ZDHHC14: variants seen among roughly 807,000 people sequenced by gnomAD.
ZDHHC14 encodes palmitoyltransferase ZDHHC14.
ZDHHC14 carries 16 observed loss-of-function variants against 47.7 expected under a neutral mutation model. The ratio of observed to expected loss-of-function variants is 0.34; its 90% CI spans 0.23 to 0.51. The LOEUF is 0.51. Ranked by LOEUF, ZDHHC14 falls within the 20% of genes least tolerant of loss-of-function variation. The probability of loss-of-function intolerance (pLI) is 0.97; values close to 1 mark genes in which losing one functional copy is unlikely to be tolerated. For synonymous variants in ZDHHC14, 293 were observed against 278.9 expected (o/e 1.05, Z -0.50); for missense variants, 515 against 662.5 (o/e 0.78, Z 2.44).
chr6:157,557,762 G>C (rs1472219175), intron 2 of ZDHHC14, among the ~76,000 whole-genome samples: 1 of 152,150 alleles, frequency 6.6e-6, no homozygotes, highest in Admixed American at 6.5e-5. Flanking sequence ...TCAGCTCAGT[G>C]CTCCCAAGCA....
rs576310420 is a variant in ZDHHC14, at chr6:157,511,353, G to A, written c.246-31232G>A. The stretch of plus-strand genomic sequence containing the variant: ...TTCTGTTCAGAGTGGAGCGTGGAGT[G>A]GGGTAAGTGGTGGTGAGAGTGCATG... On this transcript the variant is annotated intron_variant, in intron 1 of 8. Coordinates refer to ENST00000359775, the MANE Select transcript of ZDHHC14 (RefSeq NM_024630.3). Among the ~76,000 whole-genome samples, 8 of 152,038 alleles carry A rather than the reference G, an allele frequency of 5.3e-5. No individual in the cohort carries two copies. In the East Asian group the frequency reaches 1.5e-3, roughly 29 times the overall value.
At chr6:157,664,901 G>A (rs1365931398) in intron 8 of ZDHHC14, among the ~76,000 whole-genome samples, 5 of 152,164 alleles carry the variant, frequency 3.3e-5, no homozygotes, top group African/African-American at 1.2e-4. Context: ...CCTCCTGAAC[G>A]GACCAGAACG....
chr6:157,636,884 C>T (rs953356969), intron 5 of ZDHHC14, among the ~76,000 whole-genome samples: 2 of 152,188 alleles, frequency 1.3e-5, no homozygotes, highest in Admixed American at 6.5e-5. Flanking sequence ...TTCGGTGTGC[C>T]ACTGACGCCC....
intron 8 of ZDHHC14, among the ~76,000 whole-genome samples, chr6:157,654,954 C>T (rs1286371753): frequency 1.3e-5 from 2 of 152,076 alleles, no homozygotes; most frequent in Admixed American, 6.5e-5. Flanking sequence ...AGGCTGGTCT[C>T]GAACTCCTGA....
chr6:157,458,320 A>G (rs1371772550), intron 1 of ZDHHC14, among the ~76,000 whole-genome samples: 1 of 152,086 alleles, frequency 6.6e-6, no homozygotes, highest in Non-Finnish European at 1.5e-5. Flanking sequence ...AAGAGCAGAG[A>G]GTGTTGCAGT....
chr6:157,642,513 C>G (rs183603023), intron 5 of ZDHHC14, among the ~76,000 whole-genome samples: 69 of 152,314 alleles, frequency 4.5e-4, no homozygotes, highest in African/African-American at 1.6e-3. Flanking sequence ...TGTGCAACCT[C>G]TTAGGCTAGG....
intron 1 of ZDHHC14, among the ~76,000 whole-genome samples, chr6:157,394,315 C>T (rs1039193804): frequency 2.6e-5 from 4 of 152,220 alleles, no homozygotes; most frequent in African/African-American, 9.7e-5. Flanking sequence ...TCTGATTCCT[C>T]TCCTCTGGAA....
chr6:157,487,791 C>T (rs1018419818), intron 1 of ZDHHC14, among the ~76,000 whole-genome samples: 8 of 152,310 alleles, frequency 5.3e-5, no homozygotes, highest in Non-Finnish European at 1.0e-4. Context: ...CCCAGACTGG[C>T]AGCCTCGGCA....
intron 1 of ZDHHC14, among the ~76,000 whole-genome samples, chr6:157,524,898 T>G (rs1448672835): frequency 6.6e-6 from 1 of 152,250 alleles, no homozygotes; most frequent in Non-Finnish European, 1.5e-5. Context: ...AGTGAGCTAT[T>G]GCTGTGTAAC....
chr6:157,465,484 G>T (rs904735907), intron 1 of ZDHHC14, among the ~76,000 whole-genome samples: 2 of 151,878 alleles, frequency 1.3e-5, no homozygotes, highest in Non-Finnish European at 2.9e-5. Context: ...ATTCTCCCCA[G>T]GAACCACACA....
chr6:157,541,583 G>A (rs1429509082), intron 1 of ZDHHC14, among the ~76,000 whole-genome samples: 1 of 152,184 alleles, frequency 6.6e-6, no homozygotes. Context: ...CACGCCAGAT[G>A]TCCTAATTCC....
intron 8 of ZDHHC14, among the ~76,000 whole-genome samples, chr6:157,671,596 CAG>C: frequency 6.6e-6 from 1 of 152,194 alleles, no homozygotes; most frequent in African/African-American, 2.4e-5. Context: ...GCGGAGCTAT[CAG>C]GGGTGCCTGT....
intron 1 of ZDHHC14, among the ~76,000 whole-genome samples, chr6:157,494,190 C>T (rs1467688695): frequency 6.6e-6 from 1 of 152,242 alleles, no homozygotes. Context: ...AAAGTCCCTA[C>T]ATTCTGAAAT....
In ZDHHC14 at chr6:157,628,447, GTCTT is replaced by G; in HGVS notation, c.666_669del (p.Phe223TyrfsTer19). On this transcript the variant is annotated frameshift_variant, in exon 4 of 9. Transcript: ENST00000359775. LOFTEE classifies it high-confidence loss of function. ...TATTTTATCTCTGTCTTTTCTGACA[GTCTT>G]TATATTTGCATTCGTTATCACCCAC... The G allele has an allele frequency of 6.2e-7, 1 of 1,613,154 alleles. No homozygotes were observed. The highest frequency in any genetic ancestry group is 8.5e-7 in the Non-Finnish European group (1 of 1,179,838).
intron 1 of ZDHHC14, chr6:157,529,226 AC>A (rs1308940598): frequency 6.5e-6 from 1 of 154,410 alleles, no homozygotes; most frequent in Non-Finnish European, 1.5e-5. Flanking sequence ...CTGCAACCCC[AC>A]CCTCTCTTCA....
chr6:157,613,380 C>T (rs1784829533), intron 3 of ZDHHC14, among the ~76,000 whole-genome samples: 1 of 152,100 alleles, frequency 6.6e-6, no homozygotes, highest in South Asian at 2.1e-4. Flanking sequence ...TGGTCATGAC[C>T]AGCTAAATCA....
chr6:157,646,670 G>A (rs760216973), intron 6 of ZDHHC14, among the ~76,000 whole-genome samples: 2 of 151,744 alleles, frequency 1.3e-5, no homozygotes, highest in Non-Finnish European at 2.9e-5. Context: ...AGAGCAGCGT[G>A]GTCCTCTTTG....
intron 1 of ZDHHC14, among the ~76,000 whole-genome samples, chr6:157,540,933 T>TATATATATATATATATATATATAA (rs1252700559): frequency 4.5e-4 from 65 of 143,314 alleles, no homozygotes; most frequent in African/African-American, 1.6e-3. Flanking sequence ...TATATATATA[T>TATATATATATATATATATATATAA]AATTTCATAC....
intron 2 of ZDHHC14, among the ~76,000 whole-genome samples, chr6:157,569,775 G>A (rs1178940317): frequency 1.3e-5 from 2 of 151,806 alleles, no homozygotes; most frequent in East Asian, 3.9e-4. Flanking sequence ...TTCTTCACAC[G>A]GAAGCTACCT....
Sources: gnomAD v4.1 joint callset for allele counts (sites outside exome capture counted in the v4.1 genomes callset) on GRCh38, gnomAD v4.1.1 for gene constraint, MANE v1.5 for transcripts, NCBI Gene and HGNC (gene_info 2026-07-23, HGNC 2026-07-21) for gene names.